PRKCB: variants seen among roughly 807,000 people sequenced by gnomAD.
PRKCB encodes the protein protein kinase C beta type.
PRKCB carries 13 observed loss-of-function variants against 81.5 expected under a neutral mutation model. The observed-to-expected ratio is 0.16, with a 90% CI of 0.10 to 0.25. PRKCB has a LOEUF of 0.25. Ranked by LOEUF, PRKCB falls within the 10% of genes least tolerant of loss-of-function variation. The probability of loss-of-function intolerance (pLI) is 1.00; values close to 1 mark genes in which losing one functional copy is unlikely to be tolerated. For synonymous variants in PRKCB, 335 were observed against 321.4 expected, an observed-to-expected ratio of 1.04 and a Z score of -0.45; for missense variants, 509 against 875.7, an observed-to-expected ratio of 0.58 and a Z score of 5.29.
intron 7 of PRKCB, among the ~76,000 whole-genome samples, chr16:24,104,288 CA>C (rs1162195231): frequency 1.6e-4 from 24 of 152,250 alleles, no homozygotes; most frequent in African/African-American, 5.8e-4. Flanking sequence ...ATTATATTGA[CA>C]TGAAGTTATC....
intron 10 of PRKCB, among the ~76,000 whole-genome samples, chr16:24,171,676 C>A (rs146558024): frequency 6.6e-5 from 10 of 152,192 alleles, no homozygotes; most frequent in African/African-American, 2.4e-4. Flanking sequence ...AGTTAAGTCA[C>A]AAGATTAATA....
chr16:23,989,483 G>C (rs1468405585), intron 3 of PRKCB, among the ~76,000 whole-genome samples: 1 of 152,192 alleles, frequency 6.6e-6, no homozygotes, highest in African/African-American at 2.4e-5. Context: ...AGTGGGACAA[G>C]AGATGCTTGT....
rs185793487 is a variant in PRKCB, at chr16:23,989,208, G to A, written c.288+618G>A. 3.8e-3 allele frequency among the ~76,000 whole-genome samples: 582 copies of A among 152,164 alleles called. 5 individuals carry two copies. The highest frequency in any genetic ancestry group is 0.013 in the African/African-American group (536 of 41,518). On this transcript the variant is annotated intron_variant, in intron 3 of 16. Transcript: ENST00000643927. ...TCTCGATCTCCTGACCTCGTGATCC[G>A]CCGCCTCGGCCTCCCAAAGTGCTGG...
chr16:23,967,119 G>T (rs1395486890), intron 2 of PRKCB, among the ~76,000 whole-genome samples: 1 of 151,730 alleles, frequency 6.6e-6, no homozygotes, highest in Non-Finnish European at 1.5e-5. Flanking sequence ...GCCTGTCTCT[G>T]CCCTGCAAAT....
chr16:24,212,282 T>C (rs8056197), intron 16 of PRKCB, among the ~76,000 whole-genome samples: 8,982 of 152,000 alleles, frequency 0.059, 630 homozygotes, highest in African/African-American at 0.17. Context: ...TCACAGAGTT[T>C]TTACATGAAT....
chr16:23,977,253 G>T (rs1355156210), intron 2 of PRKCB, among the ~76,000 whole-genome samples: 1 of 152,160 alleles, frequency 6.6e-6, no homozygotes, highest in African/African-American at 2.4e-5. Flanking sequence ...TATGGAGATG[G>T]AACAGACCCT....
intron 3 of PRKCB, among the ~76,000 whole-genome samples, chr16:23,990,614 G>T (rs551037358): frequency 6.6e-6 from 1 of 150,420 alleles, no homozygotes; most frequent in South Asian, 2.1e-4. Flanking sequence ...GCATGATCAT[G>T]TCTCACTCAC....
chr16:24,053,862 A>G (rs539255665), intron 5 of PRKCB, among the ~76,000 whole-genome samples: 8 of 152,316 alleles, frequency 5.3e-5, no homozygotes, highest in Non-Finnish European at 1.0e-4. Context: ...CGGAGGAAAC[A>G]GAGAGGCAGC....
intron 2 of PRKCB, among the ~76,000 whole-genome samples, chr16:23,868,771 G>T (rs1475177732): frequency 6.6e-6 from 1 of 152,150 alleles, no homozygotes; most frequent in Non-Finnish European, 1.5e-5. Context: ...ATGGAGACTG[G>T]GGCCGGCTGC....
At chr16:23,901,656 C>T (rs965053065) in intron 2 of PRKCB, among the ~76,000 whole-genome samples, 5 of 152,132 alleles carry the variant, frequency 3.3e-5, no homozygotes, top group Non-Finnish European at 7.3e-5. Context: ...GCCCAGCAAC[C>T]AGCCTGTTCA....
rs1167736381 is a variant in PRKCB at position 24,058,399 on chromosome 16, T to C, written c.529+22852T>C. On this transcript the variant is annotated intron_variant, in intron 5 of 16. Transcript: ENST00000643927. ...GTACAGATGCACAATTAGAGTTTGC[T>C]GAGTAAATGGCTAAATAGGTTAAAA... 2.0e-5 allele frequency among the ~76,000 whole-genome samples: 3 copies of C among 152,046 alleles called. No individual in the cohort carries two copies. The East Asian group carries it at 5.8e-4, about 29-fold the overall frequency.
chr16:23,903,667 TGGAGATAGGA>T (rs1479543838), intron 2 of PRKCB, among the ~76,000 whole-genome samples: 4 of 152,142 alleles, frequency 2.6e-5, no homozygotes, highest in Admixed American at 6.5e-5. Context: ...GAATTGTTCT[TGGAGATAGGA>T]GAAACTGAAA....
In PRKCB at chr16:24,219,675, C is replaced by A. The variant is rs1968291690; in HGVS notation, c.*4859C>A. The A allele has an allele frequency of 8.3e-7, 1 of 1,207,508 alleles. No homozygotes were observed. Among genetic ancestry groups the A allele is most frequent in the South Asian group, 2.4e-5 (1 of 42,094 alleles). The allele number at this position is 1,207,508 out of a possible 1,614,324, so 74.8% of individuals were successfully genotyped here. On this transcript the variant is annotated 3_prime_UTR_variant, in exon 17 of 17. Transcript: ENST00000643927. ...ACAGCAACACACACACACACACACA[C>A]ACACACACACACACACACACACACA...
intron 5 of PRKCB, among the ~76,000 whole-genome samples, chr16:24,053,702 G>A (rs1965869472): frequency 6.6e-6 from 1 of 152,196 alleles, no homozygotes; most frequent in South Asian, 2.1e-4. Flanking sequence ...AGGGAGCCAT[G>A]CATCTCCCTG....
chr16:23,870,021 G>GA (rs11406537), intron 2 of PRKCB, among the ~76,000 whole-genome samples: 75,013 of 142,096 alleles, frequency 0.53, 19,690 homozygotes, highest in East Asian at 0.6. Flanking sequence ...GACTCCATCT[G>GA]AAAAAAAAAA....
chr16:23,984,211 T>C (rs570979910), intron 2 of PRKCB, among the ~76,000 whole-genome samples: 1 of 152,352 alleles, frequency 6.6e-6, no homozygotes, highest in East Asian at 1.9e-4. Context: ...TTAGCTGACA[T>C]TTGTAGAATA....
intron 2 of PRKCB, among the ~76,000 whole-genome samples, chr16:23,955,081 T>C: frequency 6.6e-6 from 1 of 151,744 alleles, no homozygotes; most frequent in Non-Finnish European, 1.5e-5. Context: ...AGGGAAAAAA[T>C]TACACACAGG....
At chr16:24,212,234 C>A (rs537062041) in intron 16 of PRKCB, among the ~76,000 whole-genome samples, 1 of 152,166 alleles carries the variant, frequency 6.6e-6, no homozygotes, top group East Asian at 1.9e-4. Flanking sequence ...CTTTAAGGAG[C>A]ATTTTTATCA....
intron 16 of PRKCB, among the ~76,000 whole-genome samples, chr16:24,209,059 C>G (rs1968093294): frequency 1.3e-5 from 2 of 152,038 alleles, no homozygotes; most frequent in South Asian, 2.1e-4. Context: ...TCACTGTCTC[C>G]CATCACAGCC....
Sources: gnomAD v4.1 joint callset for allele counts (sites outside exome capture counted in the v4.1 genomes callset) on GRCh38, gnomAD v4.1.1 for gene constraint, MANE v1.5 for transcripts, NCBI Gene and HGNC (gene_info 2026-07-23, HGNC 2026-07-21) for gene names.